Variants in KANK1 observed in about 807,000 individuals in gnomAD.
KANK1 encodes the protein KN motif and ankyrin repeat domains 1, also known as KN motif and ankyrin repeat domain-containing protein 1.
In KANK1, 109 loss-of-function variants were observed where a neutral mutation model predicts 106.2. The ratio of observed to expected loss-of-function variants is 1.03; its 90% CI spans 0.88 to 1.20. KANK1 has a LOEUF of 1.20. Ranked by LOEUF, KANK1 falls within the 50% of genes most tolerant of loss-of-function variation. The pLI is 0.00. For missense variants in KANK1, 2,399 were observed against 1,710.7 expected (o/e 1.40, Z -7.10); for synonymous variants, 873 against 652.2 (o/e 1.34, Z -5.16).
rs1589300677 is a variant in KANK1 at position 736,032 on chromosome 9, A to T, written c.3333+1197A>T. Among the ~76,000 whole-genome samples, 3 of 152,084 alleles carry T rather than the reference A, an allele frequency of 2.0e-5. No homozygotes were observed. The South Asian group carries it at 6.2e-4, about 32-fold the overall frequency. On this transcript the variant is annotated intron_variant, in intron 7 of 11. Transcript: ENST00000382297. Reference sequence around the variant, plus strand: ...GAGTGCAGTGGCGTGATCTCGGCTCACTGCAAGCTCCGCCTCCCGGGTTCG... The same window carrying T: ...GAGTGCAGTGGCGTGATCTCGGCTCTCTGCAAGCTCCGCCTCCCGGGTTCG...
chr9:502,616 C>T (rs190119538), upstream of KANK1, among the ~76,000 whole-genome samples: 316 of 151,780 alleles, frequency 2.1e-3, 2 homozygotes, highest in African/African-American at 7.4e-3. Context: ...CTCAGCTTCC[C>T]GGGTTCAAGG....
chr9:472,163 G>C (rs888902548), intron 2 of KANK1, among the ~76,000 whole-genome samples: 1 of 152,100 alleles, frequency 6.6e-6, no homozygotes, highest in Non-Finnish European at 1.5e-5. Flanking sequence ...GCCTCTTATA[G>C]AGAGCTGGCC....
intron 1 of KANK1, among the ~76,000 whole-genome samples, chr9:598,698 T>G (rs1826921151): frequency 8.1e-6 from 1 of 123,038 alleles, no homozygotes; most frequent in Non-Finnish European, 1.6e-5. Flanking sequence ...TGGCACGACC[T>G]CGGCTCACTG....
intron 1 of KANK1, among the ~76,000 whole-genome samples, chr9:659,097 A>G (rs1327554683): frequency 1.3e-5 from 2 of 152,194 alleles, no homozygotes; most frequent in Admixed American, 6.5e-5. Flanking sequence ...AGCCTCAAAA[A>G]GGCAAGAACT....
chr9:591,728 C>G (rs1824933024), intron 1 of KANK1, among the ~76,000 whole-genome samples: 2 of 151,772 alleles, frequency 1.3e-5, no homozygotes, highest in African/African-American at 4.9e-5. Flanking sequence ...GCGATCTTGG[C>G]TCACTCTGCA....
rs992434360 is a variant in KANK1, at chr9:690,319, A to AT, written c.37+13310_37+13311insT. Among the ~76,000 whole-genome samples, 82 of 151,476 alleles carry AT rather than the reference A, an allele frequency of 5.4e-4. No homozygotes were observed. In the East Asian group the frequency reaches 0.012, roughly 22 times the overall value. ...AGACTCTGTCTCAAAAAAAAGAAAA[A>AT]AAAAAAAAAGGCTACAAGAGAGAAT... On this transcript the variant is annotated intron_variant, in intron 2 of 11. Coordinates refer to ENST00000382297, the MANE Select transcript of KANK1 (RefSeq NM_015158.5).
rs564199023 is a variant in KANK1 at position 539,356 on chromosome 9, C to T, written c.-84+34602C>T. On this transcript the variant is annotated intron_variant, in intron 1 of 11. Transcript: ENST00000382297. Reference sequence around the variant, plus strand: ...CTTCGGGGAGTATGAACAGTTTTAACAGTGTTAATTCTTCCAACCCATGAA... The same window carrying T: ...CTTCGGGGAGTATGAACAGTTTTAATAGTGTTAATTCTTCCAACCCATGAA... Among the ~76,000 whole-genome samples the T allele has an allele frequency of 3.9e-5, 6 of 152,264 alleles. No individual in the cohort carries two copies. The East Asian group carries it at 1.2e-3, about 29-fold the overall frequency.
chr9:686,826 G>A, intron 2 of KANK1: 1 of 985,298 alleles, frequency 1.0e-6, no homozygotes, highest in Non-Finnish European at 1.2e-6. Flanking sequence ...ATGCTAGGAT[G>A]TTACTTGGGT....
chr9:573,214 A>G (rs944623426), intron 1 of KANK1, among the ~76,000 whole-genome samples: 4 of 152,118 alleles, frequency 2.6e-5, no homozygotes, highest in Non-Finnish European at 5.9e-5. Context: ...TAGAGGAACA[A>G]CTTGATTTCA....
At chr9:677,675 A>G (rs1563972891) in intron 2 of KANK1, 1 of 152,188 alleles carries the variant, frequency 6.6e-6, no homozygotes, top group Non-Finnish European at 1.5e-5. Context: ...CCAAGTGTTC[A>G]TTTCTTTTTT....
At chr9:649,747 G>T (rs949035849) in intron 1 of KANK1, among the ~76,000 whole-genome samples, 3 of 152,136 alleles carry the variant, frequency 2.0e-5, no homozygotes, top group Admixed American at 6.5e-5. Context: ...TGTTAAGCTG[G>T]TACTGATCTC....
chr9:693,546 G>A, intron 2 of KANK1: 1 of 985,424 alleles, frequency 1.0e-6, no homozygotes, highest in Non-Finnish European at 1.2e-6. Context: ...GATCTTGCTA[G>A]CAGTTTTGTT....
chr9:726,183 A>G (rs895323347), intron 3 of KANK1, among the ~76,000 whole-genome samples: 8 of 149,606 alleles, frequency 5.3e-5, no homozygotes, highest in African/African-American at 1.0e-4. Context: ...ATTCAGATCA[A>G]TTCTGGTGTG....
At chr9:568,618 T>C (rs1033492440) in intron 1 of KANK1, among the ~76,000 whole-genome samples, 6 of 152,104 alleles carry the variant, frequency 3.9e-5, no homozygotes, top group Non-Finnish European at 7.4e-5. Flanking sequence ...GCCTGCTGAA[T>C]AGCTAGGACT....
chr9:551,379 T>A (rs780913096), intron 1 of KANK1, among the ~76,000 whole-genome samples: 9 of 152,102 alleles, frequency 5.9e-5, no homozygotes, highest in Non-Finnish European at 8.8e-5. Context: ...AAATTTTGAA[T>A]CTGAAGTTAG....
At chr9:657,106 A>T (rs1042799251) in intron 1 of KANK1, among the ~76,000 whole-genome samples, 1 of 152,142 alleles carries the variant, frequency 6.6e-6, no homozygotes, top group African/African-American at 2.4e-5. Flanking sequence ...AATTACATGT[A>T]TGTGTCATAG....
At position 510,271 on chromosome 9, in the gene KANK1, A is replaced by AT. The variant is rs1343104226; in HGVS notation, c.-84+5521dup. ...AATTTCATTTAGGTATCACTGATTA[A>AT]TTTTCTTTATATGGTCCTGTTTACA... is the stretch of plus-strand genomic sequence containing the variant. On this transcript the variant is annotated intron_variant, in intron 1 of 11. Transcript: ENST00000382297. Among the ~76,000 whole-genome samples the AT allele has an allele frequency of 1.6e-4, 24 of 152,146 alleles. 1 individual carries two copies. Among genetic ancestry groups the AT allele is most frequent in the Admixed American group, 1.6e-3 (24 of 15,266 alleles).
chr9:726,963 T>C (rs1466059883), intron 3 of KANK1, among the ~76,000 whole-genome samples: 1 of 152,082 alleles, frequency 6.6e-6, no homozygotes, highest in East Asian at 1.9e-4. Flanking sequence ...AGACACTCTC[T>C]CAATTAAAAT....
chr9:643,403 T>A (rs1838913632), intron 1 of KANK1, among the ~76,000 whole-genome samples: 1 of 150,910 alleles, frequency 6.6e-6, no homozygotes, highest in African/African-American at 2.5e-5. Flanking sequence ...AATAAGATCC[T>A]TTTTGCAGTA....
Sources: gnomAD v4.1 joint callset for allele counts (sites outside exome capture counted in the v4.1 genomes callset) on GRCh38, gnomAD v4.1.1 for gene constraint, MANE v1.5 for transcripts, NCBI Gene and HGNC (gene_info 2026-07-23, HGNC 2026-07-21) for gene names.